Variants in DAB1 observed in about 807,000 individuals in gnomAD.
DAB1 encodes the protein disabled homolog 1.
Under a neutral mutation model 64.6 loss-of-function variants are expected in DAB1, and 15 were observed. That is an observed-to-expected ratio of 0.23 (90% CI 0.16 to 0.36). The LOEUF (loss-of-function observed/expected upper bound fraction) is 0.36, where lower values mean the gene tolerates loss of function less well. DAB1 is among the 10% of genes least tolerant of loss of function. DAB1 has a pLI of 1.00. For synonymous variants in DAB1, 235 were observed against 251.9 expected (o/e 0.93, Z 0.64); for missense variants, 596 against 706.7 (o/e 0.84, Z 1.78).
intron 5 of DAB1, among the ~76,000 whole-genome samples, chr1:58,134,576 G>T (rs1429106363): frequency 6.6e-6 from 1 of 152,142 alleles, no homozygotes; most frequent in Non-Finnish European, 1.5e-5. Context: ...GTCTTCTTCT[G>T]GGGAGGCCTC....
At chr1:57,718,628 T>C (rs1647113500) in intron 6 of DAB1, among the ~76,000 whole-genome samples, 7 of 152,164 alleles carry the variant, frequency 4.6e-5, no homozygotes, top group Admixed American at 4.6e-4. Flanking sequence ...CTAAAAGATA[T>C]GTTCCAATCA....
intron 6 of DAB1, among the ~76,000 whole-genome samples, chr1:57,776,822 A>C (rs1472202246): frequency 1.3e-5 from 2 of 151,812 alleles, no homozygotes; most frequent in Non-Finnish European, 2.9e-5. Context: ...TTTTTGCTTT[A>C]AATGGTTTAT....
At chr1:58,087,079 C>G (rs1347013734) in intron 5 of DAB1, among the ~76,000 whole-genome samples, 1 of 152,152 alleles carries the variant, frequency 6.6e-6, no homozygotes, top group Non-Finnish European at 1.5e-5. Context: ...GTGTAATTTT[C>G]CTAAGTCTAC....
chr1:57,281,847 A>C (rs915718300), intron 2 of DAB1, among the ~76,000 whole-genome samples: 2 of 152,116 alleles, frequency 1.3e-5, no homozygotes, highest in African/African-American at 4.8e-5. Flanking sequence ...GATATGTAGA[A>C]GCTCACATGA....
At chr1:57,821,791 C>T (rs924690028), downstream of DAB1, among the ~76,000 whole-genome samples, 9 of 152,058 alleles carry the variant, frequency 5.9e-5, no homozygotes, top group African/African-American at 9.7e-5. Flanking sequence ...TCAAAATCAT[C>T]GTCACCTTCT....
chr1:58,431,839 T>C (rs926014086), intron 3 of DAB1, among the ~76,000 whole-genome samples: 49 of 152,086 alleles, frequency 3.2e-4, no homozygotes, highest in African/African-American at 1.1e-3. Context: ...CTGACCCCCT[T>C]GCTGGGGAGA....
At chr1:57,670,805 C>T (rs1646501403) in intron 6 of DAB1, among the ~76,000 whole-genome samples, 2 of 152,186 alleles carry the variant, frequency 1.3e-5, no homozygotes, top group South Asian at 4.1e-4. Context: ...GAAGACATTT[C>T]CAAACACCTA....
chr1:57,633,754 C>A (rs961127027), intron 7 of DAB1, among the ~76,000 whole-genome samples: 1 of 152,092 alleles, frequency 6.6e-6, no homozygotes, highest in African/African-American at 2.4e-5. Context: ...ACTATTGAAC[C>A]TAAGTGATGC....
chr1:57,209,833 C>G (rs1665863940), intron 2 of DAB1, among the ~76,000 whole-genome samples: 1 of 152,264 alleles, frequency 6.6e-6, no homozygotes, highest in Admixed American at 6.5e-5. Flanking sequence ...TCCCTCTCCC[C>G]CTCACACACA....
intron 3 of DAB1, among the ~76,000 whole-genome samples, chr1:58,411,734 C>CT (rs1644670575): frequency 6.6e-6 from 1 of 152,176 alleles, no homozygotes; most frequent in Non-Finnish European, 1.5e-5. Context: ...TAGCCACTTC[C>CT]TTTTCAGAGA....
At chr1:57,401,706 A>T (rs139049960) in intron 1 of DAB1, among the ~76,000 whole-genome samples, 1 of 152,348 alleles carries the variant, frequency 6.6e-6, no homozygotes, top group East Asian at 1.9e-4. Context: ...AGCCCAAGTC[A>T]GCAGTTCAAG....
intron 5 of DAB1, among the ~76,000 whole-genome samples, chr1:58,104,064 C>T (rs1651491288): frequency 6.6e-6 from 1 of 152,202 alleles, no homozygotes; most frequent in Non-Finnish European, 1.5e-5. Flanking sequence ...TAAAGAGGAC[C>T]TATTTCTAAG....
intron 4 of DAB1, among the ~76,000 whole-genome samples, chr1:58,236,166 G>A (rs1435697617): frequency 1.4e-5 from 2 of 138,656 alleles, no homozygotes; most frequent in African/African-American, 5.4e-5. Flanking sequence ...TCTGACTAAT[G>A]AGCCAAGGCC....
At chr1:57,640,633 A>G (rs1372952936) in intron 7 of DAB1, among the ~76,000 whole-genome samples, 1 of 152,160 alleles carries the variant, frequency 6.6e-6, no homozygotes, top group Non-Finnish European at 1.5e-5. Flanking sequence ...CATGTTTAGG[A>G]TATAACAACT....
chr1:57,094,591 T>C (rs1283792409), intron 4 of DAB1, among the ~76,000 whole-genome samples: 1 of 152,196 alleles, frequency 6.6e-6, no homozygotes, highest in Non-Finnish European at 1.5e-5. Flanking sequence ...CAATTACACA[T>C]TCACTTCCTT....
At chr1:57,427,019 G>A (rs939466153), upstream of DAB1, among the ~76,000 whole-genome samples, 2 of 151,426 alleles carry the variant, frequency 1.3e-5, no homozygotes, top group African/African-American at 2.4e-5. Context: ...GCCCGCCACC[G>A]CTCCCGGCTA....
intron 4 of DAB1, among the ~76,000 whole-genome samples, chr1:57,073,516 A>G (rs1651701109): frequency 1.3e-5 from 2 of 152,178 alleles, no homozygotes; most frequent in African/African-American, 4.8e-5. Context: ...AACAATCCTC[A>G]TTCAACAGTA....
intron 13 of DAB1, 27 bp downstream of exon 13, chr1:57,011,118 C>T (rs1203493935): frequency 4.3e-6 from 7 of 1,613,372 alleles, no homozygotes; most frequent in Non-Finnish European, 5.9e-6. Context: ...AGGAAAAACA[C>T]AAACAAATAA....
At chr1:57,484,089 T>C (rs1644059940) in intron 7 of DAB1, among the ~76,000 whole-genome samples, 2 of 152,076 alleles carry the variant, frequency 1.3e-5, no homozygotes, top group South Asian at 2.1e-4. Flanking sequence ...GTGCATGCTA[T>C]ACAAAGTCTC....
Sources: allele counts gnomAD v4.1 joint callset (sites outside exome capture counted in the v4.1 genomes callset), GRCh38; gene constraint gnomAD v4.1.1; transcripts MANE v1.5; gene names NCBI Gene and HGNC (gene_info 2026-07-23, HGNC 2026-07-21).